CCDC66: variants seen among roughly 807,000 people sequenced by gnomAD.
The protein encoded by CCDC66 is coiled-coil domain containing 66.
Under a neutral mutation model 128.3 loss-of-function variants are expected in CCDC66, and 133 were observed. The observed-to-expected ratio is 1.04, with a 90% confidence interval of 0.90 to 1.20. The LOEUF (loss-of-function observed/expected upper bound fraction) is 1.20. CCDC66 is among the 50% of genes most tolerant of loss of function. The pLI is 0.00. For synonymous variants in CCDC66, 387 were observed against 357.0 expected, an observed-to-expected ratio of 1.08 and a Z score of -0.95; for missense variants, 1,126 against 1,075.5, an observed-to-expected ratio of 1.05 and a Z score of -0.66.
At chr3:56,583,453 G>T (rs537221693) in intron 7 of CCDC66, among the ~76,000 whole-genome samples, 10 of 151,690 alleles carry the variant, frequency 6.6e-5, no homozygotes, top group African/African-American at 2.2e-4. Flanking sequence ...GCGGCCTTCC[G>T]CAGTGTTTGT....
At chr3:56,602,965 G>C (rs1404530621) in intron 10 of CCDC66, among the ~76,000 whole-genome samples, 1 of 150,776 alleles carries the variant, frequency 6.6e-6, no homozygotes, top group Non-Finnish European at 1.5e-5. Flanking sequence ...CTCCTGAGTA[G>C]CTGGGACTAC....
At chr3:56,617,001 TGAAA>T in intron 13 of CCDC66, 107 bp from the exon 14 acceptor site, 1 of 882,214 alleles carries the variant, frequency 1.1e-6, no homozygotes, top group Non-Finnish European at 1.7e-6. Context: ...TGAAAATTAA[TGAAA>T]GAAAAAAGTC....
chr3:56,571,385 A>AAG (rs2066589172), intron 7 of CCDC66, 83 bp downstream of exon 7: 1 of 1,123,842 alleles, frequency 8.9e-7, no homozygotes, highest in South Asian at 1.5e-5. Flanking sequence ...TTAAAAAAAA[A>AAG]AAGTTTTTTT....
Position 56,617,451 on chromosome 3 carries a change from A to T in CCDC66, c.2183A>T (p.Glu728Val). 5 of 1,614,044 alleles carry T rather than the reference A, an allele frequency of 3.1e-6. No homozygotes were observed. The highest frequency in any genetic ancestry group is 4.2e-6 in the Non-Finnish European group (5 of 1,179,956). The part of the protein sequence containing the change: ...KYPKQLQKQR[E>V]EKKVRRQMEL... ...CCTAAACAGCTTCAAAAGCAGAGAG[A>T]AGAAAAAAAAGTAAGGAGGCAGATG... is the stretch of plus-strand genomic sequence containing the variant. The change falls in exon 14 of 18, where the codon GAA becomes GTA. Residue 728 changes from glutamate to valine, a missense_variant. Physicochemically the swap from Glu to Val is moderately radical, Grantham distance 121. Coordinates refer to ENST00000394672, the MANE Select transcript of CCDC66 (RefSeq NM_001141947.3).
chr3:56,607,840 G>T (rs186910581), intron 10 of CCDC66, among the ~76,000 whole-genome samples: 52 of 152,182 alleles, frequency 3.4e-4, no homozygotes, highest in African/African-American at 1.2e-3. Flanking sequence ...TGAGGGTTTT[G>T]ATCATAAAGG....
At position 56,566,107 on chromosome 3, in the gene CCDC66, CTTTGTTTTGT is replaced by C. The variant is rs150674110; in HGVS notation, c.545-463_545-454del. 1.5e-4 allele frequency among the ~76,000 whole-genome samples: 22 copies of C among 148,942 alleles called. 1 individual carries two copies. The highest frequency in any genetic ancestry group is 3.4e-3 in the Middle Eastern group (1 of 292). ...CATTTAACCTCTGGGCTTCAGTTTCCTTTGTTTTGTTTTGTTTTGTTTTGTTTTGTTTTTT... is the reference window on the plus strand; with the variant it reads ...CATTTAACCTCTGGGCTTCAGTTTCCTTTGTTTTGTTTTGTTTTGTTTTTT... On this transcript the variant is annotated intron_variant, in intron 4 of 17. Coordinates refer to ENST00000394672, the MANE Select transcript of CCDC66 (RefSeq NM_001141947.3).
intron 7 of CCDC66, among the ~76,000 whole-genome samples, chr3:56,582,849 TTTATTATTATTATTATTA>T (rs66485521): frequency 3.7e-5 from 5 of 134,888 alleles, no homozygotes; most frequent in African/African-American, 8.1e-5. Context: ...CTCAACTTTC[TTTATTATTATTATTATTA>T]TTATTATTAT....
chr3:56,559,614 C>T lies in CCDC66; in HGVS notation c.102+20C>T. The stretch of plus-strand genomic sequence containing the variant: ...GTGAAGGTAAGCCGTATAACTTTGA[C>T]CTGACCTGTTTTCAAATGTAAAATG... On this transcript the variant is annotated intron_variant, in intron 3 of 17. Transcript: ENST00000394672. The T allele has an allele frequency of 6.6e-7, 1 of 1,513,336 alleles. No homozygotes were observed. Among genetic ancestry groups the T allele is most frequent in the Non-Finnish European group, 8.9e-7 (1 of 1,129,296 alleles). 93.7% of individuals were successfully genotyped at this position (1,513,336 alleles called of 1,614,324 possible).
At chr3:56,615,085 G>A (rs753422219) in intron 11 of CCDC66, 43 bp from the exon 12 acceptor site, 1 of 1,590,634 alleles carries the variant, frequency 6.3e-7, no homozygotes, top group Admixed American at 1.7e-5. Flanking sequence ...TCAAGTCTTT[G>A]TATGTTTAAT....
chr3:56,583,116 C>T (rs569411348), intron 7 of CCDC66, among the ~76,000 whole-genome samples: 2 of 151,612 alleles, frequency 1.3e-5, no homozygotes, highest in African/African-American at 2.4e-5. Context: ...GTGCAACTGC[C>T]TTTGCCTCCC....
chr3:56,617,726 C>G (rs753884449), intron 14 of CCDC66, 121 bp downstream of exon 14: 8 of 1,246,068 alleles, frequency 6.4e-6, no homozygotes, highest in Non-Finnish European at 7.7e-6. Flanking sequence ...GATCAGCAAA[C>G]TATATCCCAT....
At chr3:56,620,542 TGTC>T (rs1269284280) in intron 17 of CCDC66, 1 of 152,254 alleles carries the variant, frequency 6.6e-6, no homozygotes, top group African/African-American at 2.4e-5. Context: ...CCCTTTTCCA[TGTC>T]GTCATGTACC....
chr3:56,613,465 C>T, intron 10 of CCDC66, 124 bp from the exon 11 acceptor site: 1 of 958,238 alleles, frequency 1.0e-6, no homozygotes, highest in Non-Finnish European at 1.5e-6. Context: ...TGATTGTCTA[C>T]TCATTATTTT....
At chr3:56,593,215 C>A in intron 8 of CCDC66, 114 bp downstream of exon 8, 1 of 923,284 alleles carries the variant, frequency 1.1e-6, no homozygotes, top group Non-Finnish European at 1.6e-6. Context: ...CCATTTATTC[C>A]ACATTTGCCC....
rs905299336 is a variant in CCDC66, at chr3:56,594,001, A to G, written c.1377A>G (p.Arg459=). The G allele has an allele frequency of 3.7e-6, 6 of 1,614,148 alleles. No homozygotes were observed. The highest frequency in any genetic ancestry group is 5.1e-6 in the Non-Finnish European group (6 of 1,179,978). Residue 459 remains arginine (R), a synonymous_variant, in exon 10 of 18, where the codon AGA becomes AGG. Coordinates refer to ENST00000394672, the MANE Select transcript of CCDC66 (RefSeq NM_001141947.3). The part of the protein sequence containing the change: ...LDPAQIEERD[R]RRQKQLEHQK... ...CAGCTCAGATTGAGGAACGAGACAG[A>G]CGACGACAAAAACAATTAGAGCATC...
At chr3:56,566,926 G>T in intron 5 of CCDC66, 24 bp from the exon 6 acceptor site, 1 of 1,583,506 alleles carries the variant, frequency 6.3e-7, no homozygotes, top group Non-Finnish European at 8.7e-7. Flanking sequence ...TACAGTTTCT[G>T]TTATCTTTTG....
intron 10 of CCDC66, among the ~76,000 whole-genome samples, chr3:56,602,421 CTGAAATTCTCTTTTTTTGTTGTTGT>C (rs979630782): frequency 2.0e-4 from 30 of 152,076 alleles, no homozygotes; most frequent in Admixed American, 1.7e-3. Flanking sequence ...GGATATTGGC[CTGAAATTCTCTTTTTTTGTTGTTGT>C]TGTGTCTCTG....
At chr3:56,603,862 A>G (rs1395477846) in intron 10 of CCDC66, among the ~76,000 whole-genome samples, 1 of 151,996 alleles carries the variant, frequency 6.6e-6, no homozygotes, top group Non-Finnish European at 1.5e-5. Context: ...TGTCTCATTG[A>G]TCTGTCTGAT....
In CCDC66 at chr3:56,580,421, T is replaced by C. The variant is rs567145483; in HGVS notation, c.936+9119T>C. On this transcript the variant is annotated intron_variant, in intron 7 of 17. Coordinates refer to ENST00000394672, the MANE Select transcript of CCDC66 (RefSeq NM_001141947.3). ...TTAGTTCATGAACATGTAAGGTTAA[T>C]ATTGTTCTGTGTGAATTTGATCCTG... 2.0e-3 allele frequency among the ~76,000 whole-genome samples: 301 copies of C among 151,976 alleles called. 13 individuals are homozygous for C. The South Asian group carries it at 0.058, about 29-fold the overall frequency.
Sources: allele counts gnomAD v4.1 joint callset (sites outside exome capture counted in the v4.1 genomes callset), GRCh38; gene constraint gnomAD v4.1.1; transcripts MANE v1.5; gene names NCBI Gene and HGNC (gene_info 2026-07-23, HGNC 2026-07-21).